Variants in PCDHA3 observed in about 807,000 individuals in gnomAD.
PCDHA3 encodes the protein protocadherin alpha-3.
In PCDHA3, 41 loss-of-function variants were observed where a neutral mutation model predicts 62.2. That is an observed-to-expected ratio of 0.66 (90% CI 0.51 to 0.86). The LOEUF (loss-of-function observed/expected upper bound fraction) is 0.86. Among genes scored for constraint, PCDHA3 ranks in the 40% least tolerant of loss-of-function variants. The pLI, the probability that PCDHA3 is intolerant of heterozygous loss-of-function variation, is 0.00. For synonymous variants in PCDHA3, 640 were observed against 555.4 expected (o/e 1.15, Z -2.14); for missense variants, 1,304 against 1,241.2 (o/e 1.05, Z -0.76).
At chr5:140,848,315 C>A (rs1347571265) in intron 1 of PCDHA3, 1 of 741,172 alleles carries the variant, frequency 1.3e-6, no homozygotes. Flanking sequence ...CTCTTTGCCG[C>A]GATGTTCTCT....
rs1554122766 is a variant in PCDHA3, at chr5:140,803,379, A to G, written c.2182A>G (p.Thr728Ala). 2.5e-6 allele frequency: 4 copies of G among 1,614,190 alleles called. No homozygotes were observed. The highest frequency in any genetic ancestry group is 4.5e-5 in the East Asian group (2 of 44,878). The change falls in exon 1 of 4, where the codon ACC becomes GCC. Residue 728 changes from threonine (T) to alanine (A), a missense_variant. By Grantham distance (58) the Thr-to-Ala change is moderately conservative. Transcript: ENST00000522353. ...TGCTCTGCGGTGCTCCGCGCCGCCA[A>G]CCGAAGGCGACTGTGGGCCGGGCAA... ...YTALRCSAPP[T>A]EGDCGPGKPT...
chr5:140,893,195 C>T (rs1445634918), intron 1 of PCDHA3, among the ~76,000 whole-genome samples: 2 of 152,164 alleles, frequency 1.3e-5, no homozygotes, highest in Admixed American at 1.3e-4. Context: ...GTGAATAGTG[C>T]TGCAGTAAGT....
intron 3 of PCDHA3, among the ~76,000 whole-genome samples, chr5:140,987,644 T>G (rs1461630900): frequency 6.6e-6 from 1 of 152,220 alleles, no homozygotes; most frequent in Non-Finnish European, 1.5e-5. Context: ...TGCACACATA[T>G]TGCAGAATCT....
chr5:140,834,675 C>A lies in PCDHA3; in HGVS notation c.2394+31084C>A, dbSNP rs1554134420. On this transcript the variant is annotated intron_variant, in intron 1 of 3. Transcript: ENST00000522353. ...GATCGACCGCGAGGAGCTGTGCGGG[C>A]GGAGCGCGGAGTGCAGCATCCACCT... is the stretch of plus-strand genomic sequence containing the variant. The A allele has an allele frequency of 1.9e-6, 3 of 1,614,206 alleles. No homozygotes were observed. In the African/African-American group the frequency reaches 4.0e-5, roughly 22 times the overall value.
At chr5:140,928,603 C>T in intron 1 of PCDHA3, 2 of 1,614,208 alleles carry the variant, frequency 1.2e-6, no homozygotes, top group Admixed American at 3.3e-5. Context: ...GGAAATTGTG[C>T]CCCGCTCTGC....
At chr5:140,944,694 T>C (rs2093685448) in intron 1 of PCDHA3, among the ~76,000 whole-genome samples, 1 of 152,190 alleles carries the variant, frequency 6.6e-6, no homozygotes, top group African/African-American at 2.4e-5. Context: ...TTAATAACAG[T>C]AATTATCAGG....
At chr5:140,924,751 C>T (rs1554202122) in intron 1 of PCDHA3, among the ~76,000 whole-genome samples, 39 of 151,566 alleles carry the variant, frequency 2.6e-4, no homozygotes, top group Non-Finnish European at 5.2e-4. Context: ...AAAAATTAAC[C>T]GAGCATGGTG....
chr5:140,865,381 G>A (rs1260895548), intron 1 of PCDHA3: 3 of 152,122 alleles, frequency 2.0e-5, no homozygotes, highest in African/African-American at 7.2e-5. Context: ...TATAGGTAGG[G>A]TAAAGTTAAT....
In PCDHA3 at chr5:141,009,805, A is replaced by G. The variant is rs1358613672; in HGVS notation, c.2721A>G (p.Gln907=). The change falls in exon 4 of 4, where the codon CAA becomes CAG. Residue 907 remains glutamine, a synonymous_variant. Transcript: ENST00000522353. ...ISIRQEPTNS[Q]IDKSDFITFG... ...TCCGGCAGGAGCCTACTAACAGCCAAATTGACAAAAGTGACTTCATAACCT... is the reference window on the plus strand; with the variant it reads ...TCCGGCAGGAGCCTACTAACAGCCAGATTGACAAAAGTGACTTCATAACCT... The G allele has an allele frequency of 3.1e-6, 5 of 1,613,974 alleles. No homozygotes were observed. Among genetic ancestry groups the G allele is most frequent in the African/African-American group, 1.3e-5 (1 of 74,898 alleles).
At chr5:141,001,997 C>G (rs2098052259) in intron 3 of PCDHA3, among the ~76,000 whole-genome samples, 1 of 152,190 alleles carries the variant, frequency 6.6e-6, no homozygotes, top group Admixed American at 6.5e-5. Context: ...AGTTCACTTG[C>G]AAACACAGAA....
At chr5:140,882,899 T>C (rs956861597) in intron 1 of PCDHA3, 1 of 1,614,228 alleles carries the variant, frequency 6.2e-7, no homozygotes. Context: ...ACATAGTTTA[T>C]TACTGACAGC....
chr5:140,856,947 A>C (rs1486886568), intron 1 of PCDHA3: 2 of 1,592,142 alleles, frequency 1.3e-6, no homozygotes, highest in Non-Finnish European at 1.7e-6. Context: ...AGGACGGGAG[A>C]AATAAAAGTA....
chr5:140,963,454 T>G (rs1299471186), intron 1 of PCDHA3, among the ~76,000 whole-genome samples: 2 of 152,242 alleles, frequency 1.3e-5, no homozygotes, highest in African/African-American at 4.8e-5. Context: ...TGCTAAAGTA[T>G]TTCTGTGTTT....
chr5:140,950,107 A>G (rs1196740444), intron 1 of PCDHA3, among the ~76,000 whole-genome samples: 1 of 151,920 alleles, frequency 6.6e-6, no homozygotes, highest in Non-Finnish European at 1.5e-5. Context: ...ATTAAATCTC[A>G]TACAATACAA....
chr5:140,839,720 A>G (rs1398284509), intron 1 of PCDHA3, among the ~76,000 whole-genome samples: 1 of 152,072 alleles, frequency 6.6e-6, no homozygotes, highest in Admixed American at 6.6e-5. Context: ...AATTTAAATC[A>G]TTTCACAGAA....
At chr5:140,804,837 C>T (rs113821357) in intron 1 of PCDHA3, 9,273 of 420,938 alleles carry the variant, frequency 0.022, 130 homozygotes, top group Non-Finnish European at 0.029. Context: ...TACTCATTGA[C>T]AGTGTGGGAG....
Position 141,011,124 on chromosome 5 carries a change from G to A in PCDHA3, c.*1187G>A, listed in dbSNP as rs893951024. ...TCTCTCTTTTCTAAGAAACAATTAT[G>A]TGCACTTTGATACACAACCTTCTCT... On this transcript the variant is annotated 3_prime_UTR_variant, in exon 4 of 4. Transcript: ENST00000522353. 1 of 153,618 alleles carries A rather than the reference G, an allele frequency of 6.5e-6. No individual in the cohort carries two copies. The highest frequency in any genetic ancestry group is 2.4e-5 in the African/African-American group (1 of 41,382). 9.5% of individuals were successfully genotyped at this position (153,618 alleles called of 1,614,324 possible).
chr5:140,805,814 T>C lies in PCDHA3; in HGVS notation c.2394+2223T>C, dbSNP rs569949433. 2.6e-5 allele frequency among the ~76,000 whole-genome samples: 4 copies of C among 152,246 alleles called. No individual in the cohort carries two copies. In the East Asian group the frequency reaches 5.8e-4, roughly 22 times the overall value. ...TATCTTTAGAAAATCATAGAGGCTATTGAAACACCACATTTTCCCAACTAG... is the reference window on the plus strand; with the variant it reads ...TATCTTTAGAAAATCATAGAGGCTACTGAAACACCACATTTTCCCAACTAG... On this transcript the variant is annotated intron_variant, in intron 1 of 3. Coordinates refer to ENST00000522353, the MANE Select transcript of PCDHA3 (RefSeq NM_018906.3).
chr5:140,824,612 T>TG (rs1423222096), intron 1 of PCDHA3: 8 of 117,268 alleles, frequency 6.8e-5, no homozygotes, highest in African/African-American at 3.2e-4. Context: ...TAATTAAAGT[T>TG]TTTTTTTTTT....
Sources: allele counts gnomAD v4.1 joint callset (sites outside exome capture counted in the v4.1 genomes callset), GRCh38; gene constraint gnomAD v4.1.1; transcripts MANE v1.5; gene names NCBI Gene and HGNC (gene_info 2026-07-23, HGNC 2026-07-21).